The following SNX29 variants were observed in gnomAD, a reference collection of about 807,000 sequenced individuals.
The protein encoded by SNX29 is sorting nexin 29.
In SNX29, 78 loss-of-function variants were observed where a neutral mutation model predicts 102.1. The ratio of observed to expected loss-of-function variants is 0.76; its 90% CI spans 0.64 to 0.92. The LOEUF (loss-of-function observed/expected upper bound fraction) is 0.92. SNX29 is among the 40% of genes least tolerant of loss of function. The pLI is 0.00. For missense variants in SNX29, 1,280 were observed against 1,061.7 expected, an observed-to-expected ratio of 1.21 and a Z score of -2.86; for synonymous variants, 580 against 414.5, an observed-to-expected ratio of 1.40 and a Z score of -4.85.
intron 15 of SNX29, among the ~76,000 whole-genome samples, chr16:12,294,540 T>G (rs1427791814): frequency 6.6e-6 from 1 of 152,192 alleles, no homozygotes; most frequent in African/African-American, 2.4e-5. Flanking sequence ...CTCTGCTGTC[T>G]GTCTGTAGCA....
chr16:12,406,594 C>G (rs1010298359), intron 18 of SNX29, among the ~76,000 whole-genome samples: 9 of 152,244 alleles, frequency 5.9e-5, no homozygotes, highest in Middle Eastern at 3.4e-3. Context: ...ATGTGTGGCT[C>G]TTGAGATTTA....
At position 12,548,785 on chromosome 16, in the gene SNX29, G is replaced by T. The variant is rs147250931; in HGVS notation, c.2319-19721G>T. 6.1e-3 allele frequency among the ~76,000 whole-genome samples: 930 copies of T among 152,318 alleles called. 14 individuals carry two copies. The highest frequency in any genetic ancestry group is 0.021 in the African/African-American group (893 of 41,560). ...TCTCTCATCCCCCAGCCACCACAGT[G>T]CTGGGTCATAGCTGGGCTGTTGTTT... On this transcript the variant is annotated intron_variant, in intron 20 of 20. Transcript: ENST00000566228.
At chr16:12,541,754 G>A (rs1348983654) in intron 20 of SNX29, among the ~76,000 whole-genome samples, 1 of 152,114 alleles carries the variant, frequency 6.6e-6, no homozygotes, top group Non-Finnish European at 1.5e-5. Context: ...GCCAGCCAGT[G>A]CCTGATACTG....
chr16:12,290,314 G>A (rs987198615), intron 15 of SNX29, among the ~76,000 whole-genome samples: 3 of 152,268 alleles, frequency 2.0e-5, no homozygotes, highest in South Asian at 2.1e-4. Flanking sequence ...GCAGGTGTAA[G>A]GTCCCACCTG....
At chr16:12,480,791 T>C (rs2087869430) in intron 19 of SNX29, among the ~76,000 whole-genome samples, 2 of 152,184 alleles carry the variant, frequency 1.3e-5, no homozygotes, top group Non-Finnish European at 2.9e-5. Context: ...TGGGAGGGTT[T>C]TTCTGGTGTT....
chr16:12,222,354 T>C (rs2077499958), intron 14 of SNX29, among the ~76,000 whole-genome samples: 1 of 152,226 alleles, frequency 6.6e-6, no homozygotes, highest in Non-Finnish European at 1.5e-5. Flanking sequence ...CAGCCCATCC[T>C]CTAAGCCTCT....
Position 12,571,613 on chromosome 16 carries a change from C to T in SNX29, c.*2984C>T, listed in dbSNP as rs1041097709. On this transcript the variant is annotated 3_prime_UTR_variant, in exon 21 of 21. Coordinates refer to ENST00000566228, the MANE Select transcript of SNX29 (RefSeq NM_032167.5). The stretch of plus-strand genomic sequence containing the variant: ...GCTGAAACAGAACAGCAGGTTCCAT[C>T]TTTCACATCTTTTTTTCTCCCCCAG... The T allele has an allele frequency of 3.6e-5, 38 of 1,059,994 alleles. No individual in the cohort carries two copies. The highest frequency in any genetic ancestry group is 9.1e-5 in the South Asian group (2 of 21,936). The allele number at this position is 1,059,994 out of a possible 1,614,324, so 65.7% of individuals were successfully genotyped here. A position where few individuals can be genotyped will look rare whatever the true frequency, so the allele number is the denominator to read the frequency against.
chr16:12,526,568 T>C (rs1369010980), intron 20 of SNX29: 1 of 529,144 alleles, frequency 1.9e-6, no homozygotes, highest in Admixed American at 2.2e-5. Flanking sequence ...TCTCACTGTT[T>C]GGAAATGGCC....
chr16:12,335,668 C>T (rs932228474), intron 15 of SNX29, among the ~76,000 whole-genome samples: 9 of 152,086 alleles, frequency 5.9e-5, no homozygotes, highest in South Asian at 2.1e-4. Flanking sequence ...GGAGTGAGAC[C>T]GTGTCAGCGT....
chr16:12,339,283 A>G (rs2081544201), intron 15 of SNX29, among the ~76,000 whole-genome samples: 3 of 148,428 alleles, frequency 2.0e-5, no homozygotes. Context: ...AGGCAGAAGA[A>G]TCTCTTGAAC....
chr16:12,562,033 T>C (rs1318582324), intron 20 of SNX29, among the ~76,000 whole-genome samples: 1 of 152,070 alleles, frequency 6.6e-6, no homozygotes, highest in Non-Finnish European at 1.5e-5. Context: ...CTCATGGATT[T>C]AGGGATGGAA....
At position 12,552,313 on chromosome 16, in the gene SNX29, T is replaced by TG. The variant is rs1375545280; in HGVS notation, c.2319-16192dup. On this transcript the variant is annotated intron_variant, in intron 20 of 20. Coordinates refer to ENST00000566228, the MANE Select transcript of SNX29 (RefSeq NM_032167.5). ...CCTCAGTTTCCTCTTCTAGAAGAGG[T>TG]GATAATGGAACTCCTCTCCTGGCTT... Among the ~76,000 whole-genome samples the TG allele has an allele frequency of 5.9e-5, 9 of 151,984 alleles. No individual in the cohort carries two copies. The South Asian group carries it at 1.0e-3, about 18-fold the overall frequency.
At chr16:12,207,133 C>T (rs921747759) in intron 14 of SNX29, among the ~76,000 whole-genome samples, 2 of 152,068 alleles carry the variant, frequency 1.3e-5, no homozygotes, top group African/African-American at 4.8e-5. Flanking sequence ...TTTCGGGAGG[C>T]CAAGACGGGT....
chr16:12,547,582 A>G (rs978052657), intron 20 of SNX29, among the ~76,000 whole-genome samples: 1 of 151,924 alleles, frequency 6.6e-6, no homozygotes, highest in Non-Finnish European at 1.5e-5. Flanking sequence ...CCTCACGAGG[A>G]TTAAATACAC....
intron 10 of SNX29, among the ~76,000 whole-genome samples, chr16:12,076,101 C>T (rs2051552920): frequency 6.6e-6 from 1 of 152,212 alleles, no homozygotes; most frequent in Non-Finnish European, 1.5e-5. Flanking sequence ...AGGGAACTCC[C>T]TGACCCCTTG....
intron 19 of SNX29, among the ~76,000 whole-genome samples, chr16:12,478,886 T>A (rs1016356556): frequency 1.3e-5 from 2 of 152,184 alleles, no homozygotes; most frequent in African/African-American, 4.8e-5. Context: ...TGGAGAATCT[T>A]TGGCTTAGAG....
At chr16:12,567,857 C>T (rs1219676760) in intron 20 of SNX29, among the ~76,000 whole-genome samples, 2 of 152,184 alleles carry the variant, frequency 1.3e-5, no homozygotes, top group East Asian at 1.9e-4. Flanking sequence ...TCTACCCTAT[C>T]CCCTAAAAAA....
chr16:12,481,450 A>C (rs1236211551), intron 19 of SNX29, among the ~76,000 whole-genome samples: 4 of 104,102 alleles, frequency 3.8e-5, no homozygotes, highest in African/African-American at 1.8e-4. Context: ...ACACACACAT[A>C]TATACATATA....
At chr16:12,535,634 C>G (rs867076848) in intron 20 of SNX29, among the ~76,000 whole-genome samples, 5 of 152,296 alleles carry the variant, frequency 3.3e-5, no homozygotes, top group Non-Finnish European at 4.4e-5. Context: ...CAACATGAAG[C>G]ACTTACAGAG....
Sources: gnomAD v4.1 joint callset for allele counts (sites outside exome capture counted in the v4.1 genomes callset) on GRCh38, gnomAD v4.1.1 for gene constraint, MANE v1.5 for transcripts, NCBI Gene and HGNC (gene_info 2026-07-23, HGNC 2026-07-21) for gene names.